The following THEMIS variants were observed in gnomAD, a reference collection of about 807,000 sequenced individuals.
THEMIS encodes the protein thymocyte selection associated.
THEMIS carries 37 observed loss-of-function variants against 52.6 expected under a neutral mutation model. That is an observed-to-expected ratio of 0.70 (90% confidence interval 0.54 to 0.93). THEMIS has a LOEUF of 0.93. THEMIS is among the 40% of genes least tolerant of loss of function. THEMIS has a pLI of 0.00. For synonymous variants in THEMIS, 292 were observed against 272.7 expected, an observed-to-expected ratio of 1.07 and a Z score of -0.70; for missense variants, 808 against 763.1, an observed-to-expected ratio of 1.06 and a Z score of -0.69.
At chr6:127,876,448 A>T (rs569877907) in intron 1 of THEMIS, among the ~76,000 whole-genome samples, 12 of 152,336 alleles carry the variant, frequency 7.9e-5, no homozygotes, top group African/African-American at 2.9e-4. Context: ...TTAAACAGAG[A>T]TGGTCCTGTC....
intron 4 of THEMIS, among the ~76,000 whole-genome samples, chr6:127,768,800 T>C (rs1229231534): frequency 1.9e-4 from 29 of 152,210 alleles, no homozygotes; most frequent in Admixed American, 1.9e-3. Flanking sequence ...AGCTGGATGA[T>C]GTATGCAAAA....
chr6:127,900,979 T>A lies in THEMIS; in HGVS notation c.-47A>T. The A allele has an allele frequency of 2.7e-6, 4 of 1,508,304 alleles. No individual in the cohort carries two copies. The South Asian group carries it at 4.5e-5, about 17-fold the overall frequency. The allele number at this position is 1,508,304 out of a possible 1,614,324, so 93.4% of individuals were successfully genotyped here. On this transcript the variant is annotated 5_prime_UTR_variant, in exon 1 of 6. Transcript: ENST00000368248. The stretch of plus-strand genomic sequence containing the variant: ...TAGACCTGGTGCTCACAGAAACTTG[T>A]GGCTTCTGGGTGACACTTGTCTGCA...
intron 4 of THEMIS, among the ~76,000 whole-genome samples, chr6:127,724,299 A>T (rs1774464529): frequency 6.6e-6 from 1 of 152,132 alleles, no homozygotes; most frequent in East Asian, 1.9e-4. Flanking sequence ...TTGGTCATCT[A>T]TCTATGGAAG....
chr6:127,895,622 T>C (rs1780941701), intron 1 of THEMIS, among the ~76,000 whole-genome samples: 1 of 151,502 alleles, frequency 6.6e-6, no homozygotes, highest in Non-Finnish European at 1.5e-5. Context: ...TTTTTTAAAC[T>C]GTGATAAATT....
downstream of THEMIS, among the ~76,000 whole-genome samples, chr6:127,704,094 T>C (rs2114433476): frequency 6.6e-6 from 1 of 152,290 alleles, no homozygotes; most frequent in Middle Eastern, 3.4e-3. Context: ...GGCCCGTCTT[T>C]TAATATTATC....
intron 1 of THEMIS, among the ~76,000 whole-genome samples, chr6:127,887,721 A>G (rs1045323134): frequency 3.9e-5 from 6 of 152,156 alleles, no homozygotes. Context: ...TTAATGGCAA[A>G]GAACCCAGGC....
intron 1 of THEMIS, among the ~76,000 whole-genome samples, chr6:127,879,069 T>A (rs1562317222): frequency 6.6e-6 from 1 of 152,218 alleles, no homozygotes; most frequent in Admixed American, 6.5e-5. Context: ...CAATAAGAAG[T>A]AATTTGCTAG....
chr6:127,763,764 AGTTTTGTC>A (rs1292240736), intron 4 of THEMIS, among the ~76,000 whole-genome samples: 1 of 151,982 alleles, frequency 6.6e-6, no homozygotes, highest in Non-Finnish European at 1.5e-5. Context: ...TGTAAAAGTA[AGTTTTGTC>A]TAATAATTTT....
chr6:127,709,732 A>G lies in THEMIS; in HGVS notation c.*253T>C. 1 of 345,716 alleles carries G rather than the reference A, an allele frequency of 2.9e-6. No homozygotes were observed. Among genetic ancestry groups the G allele is most frequent in the Non-Finnish European group, 5.2e-6 (1 of 192,150 alleles). 21.4% of individuals were successfully genotyped at this position (345,716 alleles called of 1,614,324 possible). A position where few individuals can be genotyped will look rare whatever the true frequency, so the allele number is the denominator to read the frequency against. ...ATCTGAAAAAATGTGCAAGTTAAAT[A>G]AATACGTCCTAAAGAACAACAACAC... On this transcript the variant is annotated 3_prime_UTR_variant, in exon 6 of 6. Transcript: ENST00000368248.
chr6:127,738,948 G>T (rs1775102154), intron 4 of THEMIS, among the ~76,000 whole-genome samples: 1 of 152,054 alleles, frequency 6.6e-6, no homozygotes, highest in African/African-American at 2.4e-5. Context: ...CCACAAACAG[G>T]GTGGCCTAAT....
At position 127,855,019 on chromosome 6, in the gene THEMIS, A is replaced by G. The variant is rs1779569852; in HGVS notation, c.250+11T>C. 2 of 1,584,332 alleles carry G rather than the reference A, an allele frequency of 1.3e-6. No homozygotes were observed. Among genetic ancestry groups the G allele is most frequent in the South Asian group, 1.2e-5 (1 of 85,314 alleles). ...GTTGTACAAATGATAAGTGGTTGCA[A>G]TGTGCTGTACCTGGAAAATTCATAG... is the stretch of plus-strand genomic sequence containing the variant. On this transcript the variant is annotated intron_variant, in intron 2 of 5. Coordinates refer to ENST00000368248, the MANE Select transcript of THEMIS (RefSeq NM_001010923.3).
chr6:127,794,467 G>A (rs958229831), intron 4 of THEMIS, among the ~76,000 whole-genome samples: 7 of 152,020 alleles, frequency 4.6e-5, no homozygotes, highest in Admixed American at 6.6e-5. Context: ...AGTTTCAGTC[G>A]CAATATTTCA....
chr6:127,866,161 T>C (rs1779965601), intron 1 of THEMIS, among the ~76,000 whole-genome samples: 1 of 152,100 alleles, frequency 6.6e-6, no homozygotes. Flanking sequence ...TTTTTAGCTT[T>C]GCTTTTTCTT....
At chr6:127,817,229 TACTC>T (rs1424107588) in intron 3 of THEMIS, among the ~76,000 whole-genome samples, 1 of 152,156 alleles carries the variant, frequency 6.6e-6, no homozygotes, top group East Asian at 1.9e-4. Flanking sequence ...GTATAGTAGA[TACTC>T]AATAAATGAA....
At chr6:127,901,956 T>C (rs146054526), upstream of THEMIS, among the ~76,000 whole-genome samples, 1 of 152,062 alleles carries the variant, frequency 6.6e-6, no homozygotes, top group South Asian at 2.1e-4. Context: ...ATTTTTTGCA[T>C]GTAACTGAAA....
chr6:127,877,388 T>A (rs979399276), intron 1 of THEMIS, among the ~76,000 whole-genome samples: 2 of 152,210 alleles, frequency 1.3e-5, no homozygotes, highest in Admixed American at 6.5e-5. Context: ...GCCTTTAGCC[T>A]ATATTGGCTT....
chr6:127,907,167 G>A (rs776638206), intron 1 of THEMIS, among the ~76,000 whole-genome samples: 6 of 151,552 alleles, frequency 4.0e-5, no homozygotes, highest in Non-Finnish European at 7.4e-5. Flanking sequence ...TCTTTTCATT[G>A]GTTATTTCTA....
rs1779978958 is a variant in THEMIS, at chr6:127,866,526, A to C, written c.92-11338T>G. On this transcript the variant is annotated intron_variant, in intron 1 of 5. Transcript: ENST00000368248. ...CTTTATGCTCAAAAGAGTCACTGAG[A>C]AATTTTAAAATAAATAAATTCTAAA... 1.3e-5 allele frequency among the ~76,000 whole-genome samples: 2 copies of C among 152,036 alleles called. 1 individual carries two copies. The highest frequency in any genetic ancestry group is 4.1e-4 in the South Asian group (2 of 4,830).
At chr6:127,843,290 T>G (rs1779111599) in intron 2 of THEMIS, among the ~76,000 whole-genome samples, 1 of 151,766 alleles carries the variant, frequency 6.6e-6, no homozygotes, top group Non-Finnish European at 1.5e-5. Flanking sequence ...TTTTTTTCTA[T>G]GATTAAGCAA....
Sources: gnomAD v4.1 joint callset for allele counts (sites outside exome capture counted in the v4.1 genomes callset) on GRCh38, gnomAD v4.1.1 for gene constraint, MANE v1.5 for transcripts, NCBI Gene and HGNC (gene_info 2026-07-23, HGNC 2026-07-21) for gene names.